Variants in DNAH7 observed in about 807,000 individuals in gnomAD.
DNAH7 encodes the protein dynein axonemal heavy chain 7.
Under a neutral mutation model 444.6 loss-of-function variants are expected in DNAH7, and 397 were observed. That is an observed-to-expected ratio of 0.89 (90% CI 0.82 to 0.97). The LOEUF is 0.97. DNAH7 is among the 50% of genes least tolerant of loss of function. DNAH7 has a pLI of 0.00. For missense variants in DNAH7, 4,902 were observed against 4,800.8 expected (o/e 1.02, Z -0.62); for synonymous variants, 1,636 against 1,624.4 (o/e 1.01, Z -0.17).
chr2:195,809,647 T>A, intron 52 of DNAH7, 98 bp downstream of exon 52: 1 of 1,150,980 alleles, frequency 8.7e-7, no homozygotes, highest in Non-Finnish European at 1.1e-6. Flanking sequence ...ATTGCTTAAC[T>A]ATTTACAATC....
intron 12 of DNAH7, chr2:195,999,091 C>T (rs1356429991): frequency 1.4e-6 from 1 of 716,938 alleles, no homozygotes; most frequent in South Asian, 1.5e-5. Context: ...AGTTGGAAGT[C>T]ATAATTGGCA....
chr2:195,773,017 G>A (rs1458718317), intron 60 of DNAH7, among the ~76,000 whole-genome samples: 3 of 152,130 alleles, frequency 2.0e-5, no homozygotes, highest in Non-Finnish European at 4.4e-5. Flanking sequence ...CTGGCCTCAG[G>A]TGATCCGCCT....
intron 51 of DNAH7, among the ~76,000 whole-genome samples, chr2:195,815,611 G>A (rs1227502498): frequency 1.3e-5 from 2 of 152,174 alleles, no homozygotes; most frequent in Admixed American, 6.5e-5. Context: ...AGAAACTGAA[G>A]TATTTAGGTT....
chr2:195,849,943 T>C (rs1235545213), intron 46 of DNAH7, among the ~76,000 whole-genome samples: 1 of 152,110 alleles, frequency 6.6e-6, no homozygotes, highest in East Asian at 1.9e-4. Context: ...AGGCTGTAGG[T>C]TGGCCTACAG....
At chr2:195,893,040 A>T (rs1702109980) in intron 30 of DNAH7, 2 of 146,558 alleles carry the variant, frequency 1.4e-5, no homozygotes, top group Non-Finnish European at 3.0e-5. Context: ...TCCTGGGCTC[A>T]AGTGGTCCTC....
At chr2:196,006,586 A>T (rs969767819) in intron 10 of DNAH7, among the ~76,000 whole-genome samples, 1 of 151,884 alleles carries the variant, frequency 6.6e-6, no homozygotes, top group African/African-American at 2.4e-5. Flanking sequence ...ACATATCCAG[A>T]TAGGAAAGGA....
At chr2:196,021,488 TG>T (rs1467580540) in intron 8 of DNAH7, among the ~76,000 whole-genome samples, 1 of 152,108 alleles carries the variant, frequency 6.6e-6, no homozygotes, top group Non-Finnish European at 1.5e-5. Flanking sequence ...TATGCTATAC[TG>T]TAGTCTATTA....
At chr2:195,965,912 C>T (rs531995172) in intron 17 of DNAH7, among the ~76,000 whole-genome samples, 5 of 151,862 alleles carry the variant, frequency 3.3e-5, no homozygotes, top group African/African-American at 1.2e-4. Flanking sequence ...AAAAACTTTT[C>T]ATATCATTAA....
intron 3 of DNAH7, among the ~76,000 whole-genome samples, chr2:196,050,061 T>C (rs956505846): frequency 3.9e-5 from 6 of 152,230 alleles, no homozygotes; most frequent in African/African-American, 1.4e-4. Flanking sequence ...AATCTAACAA[T>C]GTTAGTTCAA....
chr2:195,980,084 AAACTAG>A (rs1692470354), intron 15 of DNAH7, among the ~76,000 whole-genome samples: 2 of 145,144 alleles, frequency 1.4e-5, no homozygotes, highest in African/African-American at 2.6e-5. Context: ...AAAAAAAAAA[AAACTAG>A]AGGAGGGGCG....
intron 18 of DNAH7, among the ~76,000 whole-genome samples, chr2:195,959,474 G>C (rs1354828961): frequency 1.3e-5 from 2 of 152,124 alleles, no homozygotes; most frequent in Non-Finnish European, 2.9e-5. Flanking sequence ...GCATGCTGGA[G>C]CAAGCTGGCA....
chr2:195,812,720 A>G (rs1022458531), intron 51 of DNAH7, among the ~76,000 whole-genome samples: 5 of 152,136 alleles, frequency 3.3e-5, no homozygotes, highest in African/African-American at 9.7e-5. Flanking sequence ...ATAATTTTAG[A>G]CCAATATTAA....
intron 17 of DNAH7, among the ~76,000 whole-genome samples, chr2:195,966,914 C>T (rs1691516461): frequency 6.6e-6 from 1 of 151,934 alleles, no homozygotes; most frequent in African/African-American, 2.4e-5. Context: ...TTTATCCATG[C>T]TATATCTTTT....
At chr2:196,010,056 T>C (rs1415551217) in intron 10 of DNAH7, among the ~76,000 whole-genome samples, 1 of 152,066 alleles carries the variant, frequency 6.6e-6, no homozygotes, top group Non-Finnish European at 1.5e-5. Context: ...GTACAAACAA[T>C]AACAGATGCT....
At chr2:195,973,440 C>A (rs1691979427) in intron 15 of DNAH7, among the ~76,000 whole-genome samples, 1 of 151,786 alleles carries the variant, frequency 6.6e-6, no homozygotes, top group Admixed American at 6.6e-5. Flanking sequence ...ACTGTTTGGA[C>A]CTATACAGTT....
At chr2:196,019,055 C>T in intron 9 of DNAH7, 115 bp downstream of exon 9, 1 of 1,112,178 alleles carries the variant, frequency 9.0e-7, no homozygotes, top group Non-Finnish European at 1.2e-6. Flanking sequence ...TGAATACTTA[C>T]ATTAAAATGG....
intron 58 of DNAH7, among the ~76,000 whole-genome samples, chr2:195,780,259 G>A (rs1695308153): frequency 6.6e-6 from 1 of 151,596 alleles, no homozygotes; most frequent in South Asian, 2.1e-4. Context: ...TTCACCATTT[G>A]TATTTCTTAT....
chr2:196,024,487 CT>C lies in DNAH7; in HGVS notation c.684del (p.Asp229IlefsTer33). On this transcript the variant is annotated frameshift_variant, in exon 8 of 65. Coordinates refer to ENST00000312428, the MANE Select transcript of DNAH7 (RefSeq NM_018897.3). LOFTEE classifies it high-confidence loss of function. The stretch of plus-strand genomic sequence containing the variant: ...TTATCATCTCCTTTCTCTCGAGGAT[CT>C]TTTAAAACAAAATCAACTAAAAGAA... Reference protein sequence around the residue: ...VRKSIVDFVLKDPREKGDDKK... With the variant: ...VRKSIVDFVLXDPREKGDDKK... 1.3e-6 allele frequency: 2 copies of C among 1,577,322 alleles called. No homozygotes were observed. The highest frequency in any genetic ancestry group is 1.7e-6 in the Non-Finnish European group (2 of 1,164,006).
At chr2:196,040,737 TA>T (rs1375656362) in intron 5 of DNAH7, among the ~76,000 whole-genome samples, 12 of 151,994 alleles carry the variant, frequency 7.9e-5, no homozygotes, top group Non-Finnish European at 1.5e-5. Context: ...TTACACAAGA[TA>T]AAGAAAGGGC....
Sources: allele counts gnomAD v4.1 joint callset (sites outside exome capture counted in the v4.1 genomes callset), GRCh38; gene constraint gnomAD v4.1.1; transcripts MANE v1.5; gene names NCBI Gene and HGNC (gene_info 2026-07-23, HGNC 2026-07-21).